Variants in STEAP1B observed in about 807,000 individuals in gnomAD.
STEAP1B encodes STEAP family protein MGC87042.
A neutral mutation model predicts 27.9 loss-of-function variants in STEAP1B; 13 were observed. That is an observed-to-expected ratio of 0.47 (90% CI 0.30 to 0.74). The LOEUF is 0.74. Among genes scored for constraint, STEAP1B ranks in the 30% least tolerant of loss-of-function variants. The probability of loss-of-function intolerance (pLI) is 0.06; values close to 1 mark genes in which losing one functional copy is unlikely to be tolerated. For synonymous variants in STEAP1B, 86 were observed against 107.1 expected (o/e 0.80, Z 1.22); for missense variants, 250 against 298.7 (o/e 0.84, Z 1.20).
chr7:22,469,424 G>A (rs535909799), intron 4 of STEAP1B, among the ~76,000 whole-genome samples: 2 of 152,216 alleles, frequency 1.3e-5, no homozygotes, highest in Non-Finnish European at 2.9e-5. Context: ...AGTCTTCAGT[G>A]TTTTATGCAG....
At chr7:22,434,553 T>G (rs76578302) in intron 4 of STEAP1B, among the ~76,000 whole-genome samples, 2,652 of 152,318 alleles carry the variant, frequency 0.017, 38 homozygotes, top group Non-Finnish European at 0.028. Context: ...TCTCAGAAGA[T>G]AATATGTGAG....
chr7:22,492,553 T>G lies in STEAP1B; in HGVS notation c.762+12A>C. On this transcript the variant is annotated intron_variant, in intron 4 of 4. Coordinates refer to ENST00000678116, the MANE Select transcript of STEAP1B (RefSeq NM_001382447.1). Reference sequence around the variant, plus strand: ...AGATTTACCTCTTAGGGTTATTTTATATATTATTTACCTGAATATAGTGAA... The same window carrying G: ...AGATTTACCTCTTAGGGTTATTTTAGATATTATTTACCTGAATATAGTGAA... 1 of 1,575,640 alleles carries G rather than the reference T, an allele frequency of 6.3e-7. No individual in the cohort carries two copies. The highest frequency in any genetic ancestry group is 8.6e-7 in the Non-Finnish European group (1 of 1,164,636).
chr7:22,487,752 C>G (rs1345327090), intron 4 of STEAP1B, among the ~76,000 whole-genome samples: 1 of 145,408 alleles, frequency 6.9e-6, no homozygotes, highest in Non-Finnish European at 1.5e-5. Context: ...TTACGATGAA[C>G]CAAGATCGCA....
intron 1 of STEAP1B, among the ~76,000 whole-genome samples, chr7:22,499,583 A>G (rs568978955): frequency 6.6e-6 from 1 of 152,340 alleles, no homozygotes; most frequent in African/African-American, 2.4e-5. Flanking sequence ...CCAGAATTAC[A>G]TATTTAAAGC....
At chr7:22,479,837 G>T (rs1046367815) in intron 4 of STEAP1B, among the ~76,000 whole-genome samples, 2 of 54,184 alleles carry the variant, frequency 3.7e-5, no homozygotes, top group Non-Finnish European at 8.0e-5. Flanking sequence ...GGCACACACC[G>T]GCGACGCCCA....
chr7:22,436,100 G>A (rs556392298), intron 4 of STEAP1B, among the ~76,000 whole-genome samples: 1 of 152,160 alleles, frequency 6.6e-6, no homozygotes, highest in Non-Finnish European at 1.5e-5. Context: ...TGTGTAAAAT[G>A]AGAGTAATAA....
At chr7:22,481,249 T>C (rs371003447) in intron 4 of STEAP1B, among the ~76,000 whole-genome samples, 95 of 152,310 alleles carry the variant, frequency 6.2e-4, no homozygotes, top group African/African-American at 2.0e-3. Flanking sequence ...CACCCAGCCT[T>C]AGCTTCCCCA....
At chr7:22,448,100 G>C (rs1018779433) in intron 4 of STEAP1B, among the ~76,000 whole-genome samples, 1 of 152,152 alleles carries the variant, frequency 6.6e-6, no homozygotes, top group Non-Finnish European at 1.5e-5. Context: ...ATCATAGCGA[G>C]GCAACATTGT....
intron 4 of STEAP1B, among the ~76,000 whole-genome samples, chr7:22,444,243 T>C (rs1449070423): frequency 1.3e-5 from 2 of 152,172 alleles, no homozygotes; most frequent in South Asian, 2.1e-4. Context: ...ACCTCCCTCA[T>C]TGGGCTATTG....
chr7:22,462,241 A>G (rs1294933868), intron 4 of STEAP1B, among the ~76,000 whole-genome samples: 2 of 151,926 alleles, frequency 1.3e-5, no homozygotes, highest in African/African-American at 4.8e-5. Flanking sequence ...TTAATTAATT[A>G]TTATTATACT....
At chr7:22,492,068 T>C (rs1196961164) in intron 4 of STEAP1B, among the ~76,000 whole-genome samples, 1 of 151,860 alleles carries the variant, frequency 6.6e-6, no homozygotes, top group Non-Finnish European at 1.5e-5. Context: ...ACGTCTGTAA[T>C]CCCAGCACTT....
In STEAP1B at chr7:22,457,593, C is replaced by A. The variant is rs150012417; in HGVS notation, c.762+34972G>T. Among the ~76,000 whole-genome samples, 9 of 152,360 alleles carry A rather than the reference C, an allele frequency of 5.9e-5. No individual in the cohort carries two copies. In the East Asian group the frequency reaches 1.3e-3, roughly 23 times the overall value. ...GCCTCACCTTTAAAATTCTACAGTT[C>A]TATGATATGCACTGTAAGATGTGAA... On this transcript the variant is annotated intron_variant, in intron 4 of 4. Transcript: ENST00000678116.
chr7:22,491,733 G>C (rs1010787155), intron 4 of STEAP1B, among the ~76,000 whole-genome samples: 1 of 152,160 alleles, frequency 6.6e-6, no homozygotes, highest in African/African-American at 2.4e-5. Flanking sequence ...TGAGATTATA[G>C]AAAAGTGTGA....
intron 4 of STEAP1B, among the ~76,000 whole-genome samples, chr7:22,426,073 A>G (rs1785103096): frequency 6.6e-6 from 1 of 152,228 alleles, no homozygotes; most frequent in South Asian, 2.1e-4. Context: ...GGCAGCCACC[A>G]GCCCAATGTG....
chr7:22,433,987 A>G (rs894836346), intron 4 of STEAP1B, among the ~76,000 whole-genome samples: 3 of 152,206 alleles, frequency 2.0e-5, no homozygotes, highest in African/African-American at 7.2e-5. Flanking sequence ...ACAGCTGGGA[A>G]GGATGTGTCC....
chr7:22,470,916 ATCCCT>A (rs1785870609), intron 4 of STEAP1B, among the ~76,000 whole-genome samples: 1 of 152,168 alleles, frequency 6.6e-6, no homozygotes, highest in Admixed American at 6.5e-5. Context: ...CACCCTCATA[ATCCCT>A]TACTCTAGCA....
At chr7:22,466,849 A>G (rs1164733045) in intron 4 of STEAP1B, among the ~76,000 whole-genome samples, 1 of 152,218 alleles carries the variant, frequency 6.6e-6, no homozygotes, top group Admixed American at 6.5e-5. Flanking sequence ...GCCTGGGTTC[A>G]GGTCCAAGCC....
chr7:22,422,224 G>A (rs545988607), intron 4 of STEAP1B, among the ~76,000 whole-genome samples: 2 of 152,338 alleles, frequency 1.3e-5, no homozygotes, highest in Admixed American at 6.5e-5. Flanking sequence ...CTGTGCATGT[G>A]TGTGTGTGGC....
At chr7:22,463,428 C>T (rs1432483821) in intron 4 of STEAP1B, among the ~76,000 whole-genome samples, 1 of 152,190 alleles carries the variant, frequency 6.6e-6, no homozygotes, top group Non-Finnish European at 1.5e-5. Flanking sequence ...CTACCAATGA[C>T]TTGCTTCACA....
Sources: gnomAD v4.1 joint callset for allele counts (sites outside exome capture counted in the v4.1 genomes callset) on GRCh38, gnomAD v4.1.1 for gene constraint, MANE v1.5 for transcripts, NCBI Gene and HGNC (gene_info 2026-07-23, HGNC 2026-07-21) for gene names.